CAST: variants seen among roughly 807,000 people sequenced by gnomAD.
CAST encodes calpastatin.
CAST carries 76 observed loss-of-function variants against 119.6 expected under a neutral mutation model. The observed-to-expected ratio is 0.64, with a 90% CI of 0.53 to 0.77. CAST has a LOEUF of 0.77. Among genes scored for constraint, CAST ranks in the 30% least tolerant of loss-of-function variants. The pLI is 0.00. For missense variants in CAST, 953 were observed against 946.5 expected (o/e 1.01, Z -0.09); for synonymous variants, 319 against 331.6 (o/e 0.96, Z 0.41).
chr5:96,249,899 C>A, the CAST span, among the ~76,000 whole-genome samples: 3 of 152,268 alleles, frequency 2.0e-5, no homozygotes, highest in East Asian at 5.8e-4. Context: ...ATGCTTGAAC[C>A]CTTCTAGCGA....
At chr5:96,489,104 C>G in the CAST span, among the ~76,000 whole-genome samples, 1 of 152,228 alleles carries the variant, frequency 6.6e-6, no homozygotes, top group Admixed American at 6.5e-5. Flanking sequence ...AAAACCCCTT[C>G]AGTTTACACA....
the CAST span, among the ~76,000 whole-genome samples, chr5:96,269,966 A>G: frequency 3.3e-5 from 5 of 152,236 alleles, no homozygotes; most frequent in Admixed American, 1.3e-4. Context: ...AATATTGCTG[A>G]TAAATATTGA....
At chr5:96,154,494 G>A in the CAST span, among the ~76,000 whole-genome samples, 3 of 151,956 alleles carry the variant, frequency 2.0e-5, no homozygotes, top group Admixed American at 6.6e-5. Context: ...TATTACTATG[G>A]TACATTGGTC....
intron 1 of CAST, among the ~76,000 whole-genome samples, chr5:96,616,065 G>A (rs756690230): frequency 3.3e-5 from 5 of 150,094 alleles, no homozygotes; most frequent in South Asian, 2.1e-4. Context: ...TGGCCATGCC[G>A]GCAGCTGATT....
the CAST span, among the ~76,000 whole-genome samples, chr5:96,295,013 T>A: frequency 6.6e-6 from 1 of 152,164 alleles, no homozygotes; most frequent in Non-Finnish European, 1.5e-5. Context: ...GTCACCAATG[T>A]TGTGTTTCTC....
the CAST span, among the ~76,000 whole-genome samples, chr5:96,517,314 C>G: frequency 6.6e-6 from 1 of 152,076 alleles, no homozygotes; most frequent in East Asian, 1.9e-4. Context: ...ATTTTCTCTC[C>G]CATCTCTTTC....
At chr5:96,752,961 T>TACACACACACACAC (rs112835890) in intron 20 of CAST, among the ~76,000 whole-genome samples, 150 of 143,368 alleles carry the variant, frequency 1.0e-3, no homozygotes, top group Middle Eastern at 7.1e-3. Flanking sequence ...ATGCATTTTA[T>TACACACACACACAC]ACACACACAC....
intron 1 of CAST, among the ~76,000 whole-genome samples, chr5:96,572,393 GT>G (rs1192558357): frequency 6.6e-6 from 1 of 152,066 alleles, no homozygotes; most frequent in Non-Finnish European, 1.5e-5. Flanking sequence ...TAGAGACGGG[GT>G]TTCGCCATGT....
chr5:96,246,130 A>G, the CAST span, among the ~76,000 whole-genome samples: 1,358 of 151,526 alleles, frequency 9.0e-3, 14 homozygotes, highest in African/African-American at 0.031. Flanking sequence ...CAGCATCCCA[A>G]CCAAACCTTC....
the CAST span, among the ~76,000 whole-genome samples, chr5:96,291,829 T>C: frequency 6.8e-6 from 1 of 147,412 alleles, no homozygotes; most frequent in Non-Finnish European, 1.5e-5. Context: ...AATAGAAGAC[T>C]GATTCCCAGT....
chr5:96,581,181 A>G (rs1298788496), intron 1 of CAST, among the ~76,000 whole-genome samples: 1 of 152,266 alleles, frequency 6.6e-6, no homozygotes, highest in Non-Finnish European at 1.5e-5. Flanking sequence ...TTAGCTAAGA[A>G]TTCTTTCAAA....
At chr5:96,008,733 T>C in the CAST span, among the ~76,000 whole-genome samples, 1 of 152,216 alleles carries the variant, frequency 6.6e-6, no homozygotes, top group East Asian at 1.9e-4. Flanking sequence ...TTTGCTGAGA[T>C]CATTCTAATG....
chr5:96,751,518 C>T (rs1009503834), intron 20 of CAST, among the ~76,000 whole-genome samples: 12 of 152,190 alleles, frequency 7.9e-5, no homozygotes, highest in African/African-American at 2.9e-4. Context: ...CCCCTGCTCT[C>T]AGCTGTCTTC....
the CAST span, among the ~76,000 whole-genome samples, chr5:96,424,690 C>T: frequency 6.6e-6 from 1 of 152,124 alleles, no homozygotes; most frequent in South Asian, 2.1e-4. Context: ...AGGCCCGGTG[C>T]GGTGGCTCAT....
At chr5:96,393,077 TA>T in the CAST span, 2 of 1,614,116 alleles carry the variant, frequency 1.2e-6, no homozygotes, top group Non-Finnish European at 8.5e-7. Flanking sequence ...TTTAGTGTTA[TA>T]AAAAACATCA....
the CAST span, among the ~76,000 whole-genome samples, chr5:96,156,349 G>A: frequency 6.6e-6 from 1 of 152,162 alleles, no homozygotes; most frequent in Non-Finnish European, 1.5e-5. Flanking sequence ...TGACTGATTG[G>A]AATGTATCTG....
At chr5:96,450,854 T>A in the CAST span, among the ~76,000 whole-genome samples, 1 of 152,210 alleles carries the variant, frequency 6.6e-6, no homozygotes, top group African/African-American at 2.4e-5. Context: ...GCCAGACATT[T>A]AGGGTATCTT....
In CAST at chr5:96,561,798, T is replaced by TTTTTTTTTTTTG. The variant is rs1554067794; in HGVS notation, c.60+31929_60+31930insGTTTTTTTTTTT. ...GTATTATATATATGTTTTTTTTTGT[T>TTTTTTTTTTTTG]TTTTTTTTTTTTGAGACGGAGTCTC... On this transcript the variant is annotated intron_variant, in intron 1 of 11. Transcript: ENST00000505143. Among the ~76,000 whole-genome samples, 73 of 86,608 alleles carry TTTTTTTTTTTTG rather than the reference T, an allele frequency of 8.4e-4. 2 individuals are homozygous for TTTTTTTTTTTTG. Among genetic ancestry groups the TTTTTTTTTTTTG allele is most frequent in the African/African-American group, 2.9e-3 (72 of 24,928 alleles). The allele number at this position is 86,608 out of a possible 152,430, so 56.8% of individuals were successfully genotyped here.
At chr5:96,205,291 C>T in the CAST span, among the ~76,000 whole-genome samples, 5 of 151,980 alleles carry the variant, frequency 3.3e-5, no homozygotes, top group South Asian at 8.3e-4. Context: ...ATGAATTGTG[C>T]CTCTGGTGTC....
Sources: gnomAD v4.1 joint callset for allele counts (sites outside exome capture counted in the v4.1 genomes callset) on GRCh38, gnomAD v4.1.1 for gene constraint, MANE v1.5 for transcripts, NCBI Gene and HGNC (gene_info 2026-07-23, HGNC 2026-07-21) for gene names.